DNAJC15: variants seen among roughly 807,000 people sequenced by gnomAD.
DNAJC15 encodes the protein dnaJ homolog subfamily C member 15.
A neutral mutation model predicts 22.4 loss-of-function variants in DNAJC15; 27 were observed. The observed-to-expected ratio is 1.20, with a 90% CI of 0.89 to 1.66. DNAJC15 has a LOEUF of 1.66. DNAJC15 is among the 40% of genes most tolerant of loss of function. DNAJC15 has a pLI of 0.00. For missense variants in DNAJC15, 208 were observed against 187.1 expected (o/e 1.11, Z -0.65); for synonymous variants, 79 against 63.2 (o/e 1.25, Z -1.19).
chr13:43,095,649 AG>A (rs2040736267), intron 5 of DNAJC15, among the ~76,000 whole-genome samples: 3 of 152,146 alleles, frequency 2.0e-5, no homozygotes, highest in Admixed American at 2.0e-4. Context: ...AAGTTAGAAA[AG>A]GGGAAATCAT....
rs2040823850 is a variant in DNAJC15, at chr13:43,111,365, A to G, written c.*4117A>G. 6.6e-6 allele frequency: 1 copy of G among 152,212 alleles called. No individual in the cohort carries two copies. Among genetic ancestry groups the G allele is most frequent in the African/African-American group, 2.4e-5 (1 of 41,452 alleles). The allele number at this position is 152,212 out of a possible 1,614,324, so 9.4% of individuals were successfully genotyped here. A position where few individuals can be genotyped will look rare whatever the true frequency, so the allele number is the denominator to read the frequency against. ...CTTTTTCCTTCATACTTTTTAATTA[A>G]CAAGACATATAAGAGTTGCATTAAT... is the stretch of plus-strand genomic sequence containing the variant. On this transcript the variant is annotated 3_prime_UTR_variant, in exon 6 of 6. Coordinates refer to ENST00000379221, the MANE Select transcript of DNAJC15 (RefSeq NM_013238.3).
chr13:43,024,335 A>G (rs1352671972), intron 1 of DNAJC15, among the ~76,000 whole-genome samples: 2 of 104,194 alleles, frequency 1.9e-5, no homozygotes, highest in Non-Finnish European at 3.9e-5. Flanking sequence ...ACGTATTTTT[A>G]CGTTTTTTTT....
Position 43,023,689 on chromosome 13 carries a change from G to A in DNAJC15, c.63G>A (p.Gln21=), listed in dbSNP as rs1041303465. 3.1e-6 allele frequency: 5 copies of A among 1,612,760 alleles called. No individual in the cohort carries two copies. Among genetic ancestry groups the A allele is most frequent in the East Asian group, 4.5e-5 (2 of 44,828 alleles). Residue 21 remains glutamine, a synonymous_variant, in exon 1 of 6, where the codon CAG becomes CAA. Transcript: ENST00000379221. ...GESLRYAEYL[Q]PSAKRPDADV... Reference sequence around the variant, plus strand: ...GTTTGCGCTACGCTGAGTACTTGCAGCCCTCGGCCAAACGGCCAGACGCCG... The same window carrying A: ...GTTTGCGCTACGCTGAGTACTTGCAACCCTCGGCCAAACGGCCAGACGCCG...
At chr13:43,101,486 T>G (rs2153442268) in intron 5 of DNAJC15, among the ~76,000 whole-genome samples, 1 of 152,334 alleles carries the variant, frequency 6.6e-6, no homozygotes, top group Non-Finnish European at 1.5e-5. Flanking sequence ...TTTTTTGTGG[T>G]GATTTCTGAG....
chr13:43,084,630 A>G (rs17064154), intron 4 of DNAJC15, among the ~76,000 whole-genome samples: 2,604 of 152,354 alleles, frequency 0.017, 89 homozygotes, highest in East Asian at 0.11. Context: ...ACAAGATAGT[A>G]TAGCTATTAA....
chr13:43,047,309 A>C (rs996832625), intron 1 of DNAJC15, among the ~76,000 whole-genome samples: 4 of 152,260 alleles, frequency 2.6e-5, no homozygotes, highest in Non-Finnish European at 1.5e-5. Flanking sequence ...GTATTAACTA[A>C]TGTAATATAT....
At chr13:43,093,397 T>C (rs1335147534) in intron 5 of DNAJC15, among the ~76,000 whole-genome samples, 5 of 152,182 alleles carry the variant, frequency 3.3e-5, no homozygotes, top group African/African-American at 1.2e-4. Context: ...AAAATTGTTT[T>C]CTTTTTATTT....
chr13:43,057,772 C>A (rs2040538866), intron 1 of DNAJC15, among the ~76,000 whole-genome samples: 2 of 152,158 alleles, frequency 1.3e-5, no homozygotes, highest in Admixed American at 1.3e-4. Flanking sequence ...CTGTTCAGAT[C>A]CTTTTGTCCC....
intron 5 of DNAJC15, among the ~76,000 whole-genome samples, chr13:43,092,501 CATGT>C (rs745442778): frequency 1.3e-5 from 2 of 150,794 alleles, no homozygotes; most frequent in Non-Finnish European, 2.9e-5. Flanking sequence ...TACACACACA[CATGT>C]GTGTGTGTAT....
At chr13:43,102,604 C>T (rs957610808) in intron 5 of DNAJC15, among the ~76,000 whole-genome samples, 5 of 151,816 alleles carry the variant, frequency 3.3e-5, no homozygotes, top group Non-Finnish European at 2.9e-5. Context: ...AGAGAAACTC[C>T]GTCTCAAAAA....
At chr13:43,088,200 A>G (rs2040698141) in intron 5 of DNAJC15, among the ~76,000 whole-genome samples, 2 of 152,214 alleles carry the variant, frequency 1.3e-5, no homozygotes, top group Non-Finnish European at 2.9e-5. Flanking sequence ...AACATTTAGA[A>G]AGCTTATAAT....
intron 5 of DNAJC15, among the ~76,000 whole-genome samples, chr13:43,099,144 T>TA (rs1169027219): frequency 6.6e-6 from 1 of 152,318 alleles, no homozygotes; most frequent in Admixed American, 6.5e-5. Context: ...TTATTCTTTT[T>TA]AATGCTATTG....
chr13:43,092,324 TA>T (rs2040719034), intron 5 of DNAJC15, among the ~76,000 whole-genome samples: 2 of 152,170 alleles, frequency 1.3e-5, no homozygotes, highest in South Asian at 4.1e-4. Flanking sequence ...TTACATGGTA[TA>T]TCTTTTTTCC....
intron 1 of DNAJC15, among the ~76,000 whole-genome samples, chr13:43,037,213 T>A (rs954804052): frequency 9.2e-5 from 14 of 152,202 alleles, no homozygotes; most frequent in African/African-American, 3.4e-4. Context: ...TAAAAGTAGC[T>A]TTCATTAAAG....
intron 3 of DNAJC15, among the ~76,000 whole-genome samples, chr13:43,071,314 C>A (rs573919105): frequency 6.6e-6 from 1 of 152,118 alleles, no homozygotes; most frequent in African/African-American, 2.4e-5. Flanking sequence ...GAGCCTGGTA[C>A]CTGCGTTTCT....
intron 5 of DNAJC15, among the ~76,000 whole-genome samples, chr13:43,102,950 A>G (rs1423279665): frequency 6.6e-6 from 1 of 152,144 alleles, no homozygotes; most frequent in Non-Finnish European, 1.5e-5. Context: ...TTTTAATTAC[A>G]TATTTAGTTT....
At chr13:43,089,577 A>G (rs1466166758) in intron 5 of DNAJC15, among the ~76,000 whole-genome samples, 2 of 152,202 alleles carry the variant, frequency 1.3e-5, no homozygotes. Flanking sequence ...ACCTGAAGGA[A>G]AACTAGTGTG....
At chr13:43,085,918 A>G (rs2040686088) in intron 5 of DNAJC15, 80 bp downstream of exon 5, 3 of 1,288,250 alleles carry the variant, frequency 2.3e-6, no homozygotes, top group Non-Finnish European at 3.3e-6. Flanking sequence ...CATATATGAT[A>G]TATAGTTGAG....
intron 5 of DNAJC15, among the ~76,000 whole-genome samples, chr13:43,106,195 C>A (rs2040796039): frequency 6.6e-6 from 1 of 152,044 alleles, no homozygotes; most frequent in Non-Finnish European, 1.5e-5. Context: ...CTACTGAGAC[C>A]TTATGATATT....
Sources: gnomAD v4.1 joint callset for allele counts (sites outside exome capture counted in the v4.1 genomes callset) on GRCh38, gnomAD v4.1.1 for gene constraint, MANE v1.5 for transcripts, NCBI Gene and HGNC (gene_info 2026-07-23, HGNC 2026-07-21) for gene names.